The following SLC3A2 variants were observed in gnomAD, a reference collection of about 807,000 sequenced individuals.
The protein encoded by SLC3A2 is amino acid transporter heavy chain SLC3A2.
A neutral mutation model predicts 48.5 loss-of-function variants in SLC3A2; 32 were observed. That is an observed-to-expected ratio of 0.66 (90% CI 0.50 to 0.89). SLC3A2 has a LOEUF of 0.89. SLC3A2 is among the 40% of genes least tolerant of loss of function. SLC3A2 has a pLI of 0.00. For missense variants in SLC3A2, 587 were observed against 680.7 expected (o/e 0.86, Z 1.53); for synonymous variants, 277 against 288.8 (o/e 0.96, Z 0.41).
At chr11:62,870,721 TA>T (rs1265657311) in intron 1 of SLC3A2, 44 of 162,052 alleles carry the variant, frequency 2.7e-4, no homozygotes, top group African/African-American at 1.1e-3. Context: ...TTATTATTAT[TA>T]TTATTTTTTT....
intron 1 of SLC3A2, among the ~76,000 whole-genome samples, chr11:62,859,736 T>C (rs1405775132): frequency 1.3e-5 from 2 of 152,044 alleles, no homozygotes; most frequent in Non-Finnish European, 2.9e-5. Flanking sequence ...AGGTGGCCTT[T>C]GATTGTGAGT....
At chr11:62,885,663 T>A (rs2085704037) in intron 7 of SLC3A2, 55 bp downstream of exon 7, 1 of 1,591,574 alleles carries the variant, frequency 6.3e-7, no homozygotes, top group Non-Finnish European at 8.6e-7. Flanking sequence ...CTTACAATGA[T>A]GATTCTGGGG....
chr11:62,878,646 T>G (rs1403628011), upstream of SLC3A2, among the ~76,000 whole-genome samples: 2 of 150,240 alleles, frequency 1.3e-5, no homozygotes, highest in Admixed American at 1.3e-4. Flanking sequence ...TTTTTTTTTT[T>G]TTTTGCATTT....
Position 62,888,574 on chromosome 11 carries a change from A to C in SLC3A2, c.1471A>C (p.Lys491Gln), listed in dbSNP as rs141470222. The C allele has an allele frequency of 2.5e-3, 4,051 of 1,613,878 alleles. 145 individuals carry two copies. The Admixed American group carries it at 0.063, about 25-fold the overall frequency. Residue 491 changes from lysine to glutamine, a missense_variant, in exon 9 of 9, where the codon AAG (lysine) becomes CAG (glutamine). By Grantham distance (53) the Lys-to-Gln change is moderately conservative (BLOSUM62 1). This residue lies in a region of SLC3A2 where 169 missense variants were observed against 204.4 expected (regional missense o/e 0.83). Transcript: ENST00000338663. ...GCCTGCCAGCGCCAGCCTGCCAGCC[A>C]AGGCTGACCTCCTGCTCAGCACCCA... ...DLPASASLPA[K>Q]ADLLLSTQPG...
At chr11:62,883,294 A>G (rs1200648907) in intron 3 of SLC3A2, 1 of 361,510 alleles carries the variant, frequency 2.8e-6, no homozygotes, top group Non-Finnish European at 5.2e-6. Flanking sequence ...CTTTTGGGAG[A>G]GGAAGCCCTT....
Position 62,868,645 on chromosome 11 carries a change from G to A in SLC3A2, c.112+12264G>A, listed in dbSNP as rs552881825. ...CTCCCAAAGTGCTGGGATTACAGGC[G>A]TGAGCCACCGTGCCCGGCCAAGGGT... On this transcript the variant is annotated intron_variant, in intron 1 of 9. Transcript: ENST00000377889. 5.3e-4 allele frequency among the ~76,000 whole-genome samples: 80 copies of A among 152,186 alleles called. No individual in the cohort carries two copies. In the East Asian group the frequency reaches 0.015, roughly 28 times the overall value.
chr11:62,884,548 G>C, intron 4 of SLC3A2, 23 bp downstream of exon 4: 1 of 1,614,116 alleles, frequency 6.2e-7, no homozygotes, highest in Non-Finnish European at 8.5e-7. Flanking sequence ...TCCACATTAG[G>C]GACAAAGCTT....
At chr11:62,871,898 A>C (rs916339829) in intron 1 of SLC3A2, among the ~76,000 whole-genome samples, 7 of 151,634 alleles carry the variant, frequency 4.6e-5, no homozygotes, top group African/African-American at 1.7e-4. Context: ...ATGACATCAA[A>C]TCTTTATTTT....
chr11:62,871,906 TTTA>T (rs201435681), intron 1 of SLC3A2, among the ~76,000 whole-genome samples: 4 of 151,436 alleles, frequency 2.6e-5, no homozygotes, highest in Admixed American at 6.6e-5. Context: ...AAATCTTTAT[TTTA>T]TTATTATTAT....
intron 7 of SLC3A2, chr11:62,886,575 GCCATCATGC>G (rs1391684092): frequency 1.3e-5 from 2 of 151,924 alleles, no homozygotes; most frequent in Non-Finnish European, 1.5e-5. Flanking sequence ...ATAGGTGCGT[GCCATCATGC>G]CCAGCTGATC....
In SLC3A2 at chr11:62,881,343, C is replaced by T; in HGVS notation, c.320C>T (p.Pro107Leu). The T allele has an allele frequency of 6.3e-7, 1 of 1,590,736 alleles. No homozygotes were observed. The highest frequency in any genetic ancestry group is 8.5e-7 in the Non-Finnish European group (1 of 1,173,242). Residue 107 changes from proline (P) to leucine (L), a missense_variant, in exon 1 of 9, where the codon CCG (proline) becomes CTG (leucine). Pro to Leu is a moderately conservative substitution (Grantham distance 98). This residue lies in a region of SLC3A2 where 409 missense variants were observed against 446.7 expected (regional missense o/e 0.92). Transcript: ENST00000338663. The surrounding 1 kb of genome is among the most constrained non-coding windows in gnomAD (Gnocchi z 4.0). ...GCCGTGGTCATAATCGTGCGAGCGCCGCGTTGTCGCGAGCTACCGGCGCAG... is the reference window on the plus strand; with the variant it reads ...GCCGTGGTCATAATCGTGCGAGCGCTGCGTTGTCGCGAGCTACCGGCGCAG... ...AGAVVIIVRAPRCRELPAQKW... is the reference protein window; with the variant it reads ...AGAVVIIVRALRCRELPAQKW...
intron 1 of SLC3A2, among the ~76,000 whole-genome samples, chr11:62,867,338 T>TTTTTTTTTTTTG (rs1405904742): frequency 7.5e-6 from 1 of 133,658 alleles, no homozygotes; most frequent in African/African-American, 2.9e-5. Flanking sequence ...TTTTTTTTTT[T>TTTTTTTTTTTTG]TTTTTTGATA....
chr11:62,856,111 A>C, upstream of SLC3A2: 1 of 579,530 alleles, frequency 1.7e-6, no homozygotes, highest in Non-Finnish European at 3.0e-6. Flanking sequence ...CACCGACCGC[A>C]TTGCGGCTTG....
chr11:62,873,340 T>G (rs1488874807), intron 1 of SLC3A2, among the ~76,000 whole-genome samples: 2 of 151,722 alleles, frequency 1.3e-5, no homozygotes, highest in African/African-American at 4.8e-5. Context: ...ATACAAAAAT[T>G]AGCCGGGCAT....
chr11:62,884,613 T>A lies in SLC3A2; in HGVS notation c.760-19T>A. ...CTCATAATATTCTCTGGTCCTTGAT[T>A]CTGCTTTTTTCTTTCTAGGATGCAT... On this transcript the variant is annotated intron_variant, in intron 4 of 8. Transcript: ENST00000338663. The A allele has an allele frequency of 1.2e-6, 2 of 1,611,664 alleles. No individual in the cohort carries two copies. Among genetic ancestry groups the A allele is most frequent in the Non-Finnish European group, 1.7e-6 (2 of 1,178,388 alleles).
chr11:62,872,446 T>C (rs2085527936), intron 1 of SLC3A2, among the ~76,000 whole-genome samples: 1 of 152,140 alleles, frequency 6.6e-6, no homozygotes, highest in Non-Finnish European at 1.5e-5. Flanking sequence ...GCTGAGGAAG[T>C]CAAGGCTGTA....
chr11:62,879,153 T>C (rs536533806), upstream of SLC3A2, among the ~76,000 whole-genome samples: 1 of 152,182 alleles, frequency 6.6e-6, no homozygotes, highest in South Asian at 2.1e-4. Flanking sequence ...CTGCAACCTC[T>C]ACCTCCTGGG....
At chr11:62,887,932 A>G in intron 7 of SLC3A2, 1 of 504,534 alleles carries the variant, frequency 2.0e-6, no homozygotes, top group Non-Finnish European at 3.6e-6. Flanking sequence ...ATCTGGGACT[A>G]TAGGGATGTA....
intron 1 of SLC3A2, among the ~76,000 whole-genome samples, chr11:62,858,100 G>A (rs2085358639): frequency 6.6e-6 from 1 of 152,180 alleles, no homozygotes. Flanking sequence ...TAAGACATTG[G>A]GGGATAAGAT....
Sources: allele counts gnomAD v4.1 joint callset (sites outside exome capture counted in the v4.1 genomes callset), GRCh38; gene constraint gnomAD v4.1.1; regional missense constraint gnomAD v4.1.1; non-coding constraint Gnocchi (gnomAD v3.1); transcripts MANE v1.5; gene names NCBI Gene and HGNC (gene_info 2026-07-23, HGNC 2026-07-21).